DLG2: variants seen among roughly 807,000 people sequenced by gnomAD.
DLG2 encodes the protein disks large homolog 2.
Under a neutral mutation model 132.5 loss-of-function variants are expected in DLG2, and 45 were observed. That is an observed-to-expected ratio of 0.34 (90% CI 0.27 to 0.44). DLG2 has a LOEUF of 0.44. Among genes scored for constraint, DLG2 ranks in the 20% least tolerant of loss-of-function variants. The pLI is 1.00. For synonymous variants in DLG2, 424 were observed against 419.6 expected (o/e 1.01, Z -0.13); for missense variants, 1,045 against 1,196.9 (o/e 0.87, Z 1.87).
chr11:84,425,356 T>C (rs1031785059), intron 7 of DLG2, among the ~76,000 whole-genome samples: 4 of 152,120 alleles, frequency 2.6e-5, no homozygotes, highest in African/African-American at 9.7e-5. Flanking sequence ...CTGGATTGTA[T>C]TGGAATTTGC....
At chr11:83,864,560 A>C (rs1403825642) in intron 16 of DLG2, among the ~76,000 whole-genome samples, 3 of 152,206 alleles carry the variant, frequency 2.0e-5, no homozygotes, top group Non-Finnish European at 4.4e-5. Flanking sequence ...TCCATTGGTC[A>C]ATAAAGGTTG....
At chr11:85,073,725 T>C (rs948602859) in intron 6 of DLG2, among the ~76,000 whole-genome samples, 7 of 151,878 alleles carry the variant, frequency 4.6e-5, no homozygotes, top group Non-Finnish European at 8.8e-5. Context: ...TGAATTACCA[T>C]TCAACCCAGC....
chr11:83,523,463 A>G (rs2095533503), intron 21 of DLG2, among the ~76,000 whole-genome samples: 1 of 152,188 alleles, frequency 6.6e-6, no homozygotes, highest in African/African-American at 2.4e-5. Context: ...TAAAGAATCA[A>G]TTATTTTGAT....
chr11:83,528,369 T>C (rs1453662263), intron 21 of DLG2, among the ~76,000 whole-genome samples: 1 of 152,174 alleles, frequency 6.6e-6, no homozygotes, highest in African/African-American at 2.4e-5. Flanking sequence ...TTCTGGCCTT[T>C]CTGACCTTCT....
At chr11:84,083,173 G>A (rs1251364895) in intron 10 of DLG2, among the ~76,000 whole-genome samples, 11 of 152,196 alleles carry the variant, frequency 7.2e-5, no homozygotes, top group Middle Eastern at 3.4e-3. Context: ...CCAGCTACTC[G>A]GGAGGCTGAG....
rs1301128229 is a variant in DLG2 at position 85,187,542 on chromosome 11, A to C, written c.187-32891T>G. ...TAAAAACTAGACAAAATTGCTAAAA[A>C]TAACAATTTCAGGACTCTGGGAAAT... On this transcript the variant is annotated intron_variant, in intron 4 of 27. Coordinates refer to ENST00000376104, the MANE Select transcript of DLG2 (RefSeq NM_001142699.3). Among the ~76,000 whole-genome samples, 3 of 152,182 alleles carry C rather than the reference A, an allele frequency of 2.0e-5. No individual in the cohort carries two copies. In the East Asian group the frequency reaches 5.8e-4, roughly 29 times the overall value.
intron 7 of DLG2, among the ~76,000 whole-genome samples, chr11:84,527,893 T>TTCTC (rs60170305): frequency 0.35 from 44,144 of 125,374 alleles, 9,158 homozygotes; most frequent in East Asian, 0.53. Flanking sequence ...CTCCCTCCCT[T>TTCTC]TCTCTCTCTC....
At chr11:85,511,755 G>A (rs768320186) in intron 3 of DLG2, among the ~76,000 whole-genome samples, 5 of 146,064 alleles carry the variant, frequency 3.4e-5, no homozygotes, top group Non-Finnish European at 7.5e-5. Context: ...GAGACACTCT[G>A]TTGCCCAGGC....
intron 7 of DLG2, among the ~76,000 whole-genome samples, chr11:84,458,305 T>TA (rs2099070812): frequency 6.6e-6 from 1 of 150,854 alleles, no homozygotes; most frequent in Non-Finnish European, 1.5e-5. Flanking sequence ...ACTAAAATGG[T>TA]AAAAATATTT....
intron 11 of DLG2, among the ~76,000 whole-genome samples, chr11:84,018,737 G>T (rs1207477582): frequency 6.6e-6 from 1 of 151,484 alleles, no homozygotes; most frequent in African/African-American, 2.4e-5. Flanking sequence ...AGTAGATTTG[G>T]CAAACTATAT....
chr11:84,982,593 C>G (rs543366782), intron 6 of DLG2, among the ~76,000 whole-genome samples: 211 of 152,194 alleles, frequency 1.4e-3, no homozygotes, highest in Non-Finnish European at 1.6e-3. Context: ...CCCCAGTAGC[C>G]TTGTTGTTAG....
chr11:83,686,982 A>G lies in DLG2; in HGVS notation c.1826-53657T>C, dbSNP rs1175503824. On this transcript the variant is annotated intron_variant, in intron 18 of 27. Coordinates refer to ENST00000376104, the MANE Select transcript of DLG2 (RefSeq NM_001142699.3). ...TGGGCCACTACTTCCATCTAGTTCA[A>G]TATGGCTGATGTTCTCATAAAAACA... Among the ~76,000 whole-genome samples, 4 of 152,170 alleles carry G rather than the reference A, an allele frequency of 2.6e-5. No homozygotes were observed. The East Asian group carries it at 7.7e-4, about 29-fold the overall frequency.
At chr11:85,012,954 A>C (rs2059275636) in intron 6 of DLG2, among the ~76,000 whole-genome samples, 1 of 152,216 alleles carries the variant, frequency 6.6e-6, no homozygotes. Context: ...GCAATAAATA[A>C]GGTAATGCAT....
At chr11:83,527,816 A>T (rs554051471) in intron 21 of DLG2, among the ~76,000 whole-genome samples, 4 of 152,300 alleles carry the variant, frequency 2.6e-5, no homozygotes, top group African/African-American at 7.2e-5. Context: ...TTATAGACTT[A>T]AAAAAGAAGT....
At chr11:84,303,999 A>C (rs1319589793) in intron 7 of DLG2, among the ~76,000 whole-genome samples, 1 of 152,222 alleles carries the variant, frequency 6.6e-6, no homozygotes, top group African/African-American at 2.4e-5. Flanking sequence ...CAGGTAAATA[A>C]GACAGGTCAT....
At chr11:85,504,767 G>C (rs1390435820) in intron 3 of DLG2, among the ~76,000 whole-genome samples, 2 of 152,148 alleles carry the variant, frequency 1.3e-5, no homozygotes, top group African/African-American at 4.8e-5. Context: ...TTGGTAGCTT[G>C]ATGGGGATGG....
chr11:84,572,023 T>C (rs1343989384), intron 6 of DLG2, among the ~76,000 whole-genome samples: 1 of 152,064 alleles, frequency 6.6e-6, no homozygotes, highest in East Asian at 1.9e-4. Context: ...GAACTGAGGC[T>C]CTGAGTCCTT....
intron 6 of DLG2, chr11:84,720,998 C>T (rs1238468827): frequency 1.3e-5 from 2 of 152,254 alleles, no homozygotes; most frequent in Admixed American, 1.3e-4. Context: ...CCAGACTGGC[C>T]CTGCCTTTGG....
At chr11:85,316,281 C>T (rs561312388) in intron 3 of DLG2, among the ~76,000 whole-genome samples, 8 of 151,980 alleles carry the variant, frequency 5.3e-5, no homozygotes, top group South Asian at 2.1e-4. Flanking sequence ...AATGCTACTT[C>T]GATTTATAAA....
Sources: allele counts gnomAD v4.1 joint callset (sites outside exome capture counted in the v4.1 genomes callset), GRCh38; gene constraint gnomAD v4.1.1; transcripts MANE v1.5; gene names NCBI Gene and HGNC (gene_info 2026-07-23, HGNC 2026-07-21).